The following EFCAB11 variants were observed in gnomAD, a reference collection of about 807,000 sequenced individuals.
EFCAB11 encodes EF-hand calcium-binding domain-containing protein 11.
A neutral mutation model predicts 23.0 loss-of-function variants in EFCAB11; 14 were observed. The ratio of observed to expected loss-of-function variants is 0.61; its 90% CI spans 0.40 to 0.95. EFCAB11 has a LOEUF of 0.95. Ranked by LOEUF, EFCAB11 falls within the 40% of genes least tolerant of loss-of-function variation. The probability of loss-of-function intolerance (pLI) is 0.00; values close to 1 mark genes in which losing one functional copy is unlikely to be tolerated. For missense variants in EFCAB11, 198 were observed against 195.8 expected (o/e 1.01, Z -0.07); for synonymous variants, 65 against 66.6 (o/e 0.98, Z 0.11).
intron 5 of EFCAB11, among the ~76,000 whole-genome samples, chr14:89,929,030 CAT>C (rs34339124): frequency 2.1e-4 from 25 of 121,214 alleles, no homozygotes; most frequent in South Asian, 3.2e-4. Flanking sequence ...TAAATACATA[CAT>C]ATATATATAT....
rs1177814382 is a variant in EFCAB11 at position 89,794,686 on chromosome 14, A to G, written c.*2557T>C. On this transcript the variant is annotated 3_prime_UTR_variant, in exon 6 of 6. Transcript: ENST00000316738. The stretch of plus-strand genomic sequence containing the variant: ...TGATCCGCTTTGTATTTGAAATAAG[A>G]TTTTATTTTTACTTGATTTTCAATG... The G allele has an allele frequency of 6.6e-6, 1 of 152,188 alleles. No individual in the cohort carries two copies. The highest frequency in any genetic ancestry group is 1.5e-5 in the Non-Finnish European group (1 of 68,038). 9.4% of individuals were successfully genotyped at this position (152,188 alleles called of 1,614,324 possible).
At chr14:89,903,651 T>C (rs1269962438) in intron 5 of EFCAB11, among the ~76,000 whole-genome samples, 1 of 152,178 alleles carries the variant, frequency 6.6e-6, no homozygotes, top group Non-Finnish European at 1.5e-5. Flanking sequence ...GAGAAAATAT[T>C]AGCACTTTAA....
In EFCAB11 at chr14:89,892,220, G is replaced by A. The variant is rs539069126; in HGVS notation, c.410+39321C>T. On this transcript the variant is annotated intron_variant, in intron 5 of 5. Coordinates refer to ENST00000316738, the MANE Select transcript of EFCAB11 (RefSeq NM_145231.4). Reference sequence around the variant, plus strand: ...CCGCTGTGTCTCAGCCCAGGAGGCCGAGGAGCTAGCTGCCTCCCTGGGCAT... The same window carrying A: ...CCGCTGTGTCTCAGCCCAGGAGGCCAAGGAGCTAGCTGCCTCCCTGGGCAT... 2.0e-5 allele frequency: 32 copies of A among 1,605,870 alleles called. No homozygotes were observed. The South Asian group carries it at 2.6e-4, about 13-fold the overall frequency.
chr14:89,911,181 A>G (rs1284159318), intron 5 of EFCAB11, among the ~76,000 whole-genome samples: 3 of 152,256 alleles, frequency 2.0e-5, no homozygotes, highest in Non-Finnish European at 4.4e-5. Context: ...GGGAAAAAAG[A>G]ACTTCGCAAA....
chr14:89,801,194 T>C (rs1475361216), intron 5 of EFCAB11, among the ~76,000 whole-genome samples: 1 of 152,118 alleles, frequency 6.6e-6, no homozygotes, highest in African/African-American at 2.4e-5. Flanking sequence ...TCCCCAATGA[T>C]GCGATGATCA....
chr14:89,846,032 G>A (rs1312837518), intron 5 of EFCAB11, among the ~76,000 whole-genome samples: 1 of 152,166 alleles, frequency 6.6e-6, no homozygotes, highest in Non-Finnish European at 1.5e-5. Context: ...CCTTGGGCAA[G>A]GGACTTAACC....
intron 5 of EFCAB11, among the ~76,000 whole-genome samples, chr14:89,839,994 T>C (rs1887206545): frequency 6.6e-6 from 1 of 152,194 alleles, no homozygotes. Context: ...ACCCAAACCC[T>C]ATCACAGCTC....
In EFCAB11 at chr14:89,941,209, T is replaced by C. The variant is rs2139828547; in HGVS notation, c.218-8582A>G. 3.3e-5 allele frequency among the ~76,000 whole-genome samples: 5 copies of C among 152,346 alleles called. No homozygotes were observed. In the East Asian group the frequency reaches 7.7e-4, roughly 23 times the overall value. ...TTGTTGCATGGACCCTGACTGCAGC[T>C]GTGCTTGCTCGTGTTTTCCTATTTG... On this transcript the variant is annotated intron_variant, in intron 3 of 5. Transcript: ENST00000316738.
At position 89,849,078 on chromosome 14, in the gene EFCAB11, C is replaced by T. The variant is rs978959252; in HGVS notation, c.411-51754G>A. On this transcript the variant is annotated intron_variant, in intron 5 of 5. Transcript: ENST00000316738. The stretch of plus-strand genomic sequence containing the variant: ...TTTGGCCAATTAGTCCCCTGGATAT[C>T]CAACTGTAGGCTATTAGTTCCAATG... 2.2e-4 allele frequency among the ~76,000 whole-genome samples: 34 copies of T among 152,210 alleles called. 1 individual carries two copies. Among genetic ancestry groups the T allele is most frequent in the Non-Finnish European group, 7.3e-5 (5 of 68,042 alleles).
At chr14:89,866,264 C>T (rs1596410458) in intron 5 of EFCAB11, among the ~76,000 whole-genome samples, 1 of 152,326 alleles carries the variant, frequency 6.6e-6, no homozygotes, top group African/African-American at 2.4e-5. Context: ...ATGGCAAGAG[C>T]CCCTTCTGTT....
chr14:89,919,780 G>A lies in EFCAB11; in HGVS notation c.410+11761C>T, dbSNP rs779515738. Reference sequence around the variant, plus strand: ...CAAGGGCTGGGGTAGGCAGAGGCAAGAGCGAGTGCAGGAACTACGAGGCTT... The same window carrying A: ...CAAGGGCTGGGGTAGGCAGAGGCAAAAGCGAGTGCAGGAACTACGAGGCTT... On this transcript the variant is annotated intron_variant, in intron 5 of 5. Transcript: ENST00000316738. 5.3e-5 allele frequency among the ~76,000 whole-genome samples: 8 copies of A among 152,312 alleles called. No homozygotes were observed. In the East Asian group the frequency reaches 9.7e-4, roughly 18 times the overall value.
chr14:89,927,053 C>A (rs1890216384), intron 5 of EFCAB11, among the ~76,000 whole-genome samples: 1 of 151,936 alleles, frequency 6.6e-6, no homozygotes, highest in South Asian at 2.1e-4. Flanking sequence ...GGCAACAATT[C>A]ACAAACCTTA....
intron 5 of EFCAB11, chr14:89,924,624 T>A (rs12101251): frequency 0.14 from 221,987 of 1,535,066 alleles, 19,983 homozygotes; most frequent in Admixed American, 0.32. Context: ...AAGAAAGAAC[T>A]TTAAGTCAGC....
At chr14:89,864,797 G>A (rs1036536818) in intron 5 of EFCAB11, among the ~76,000 whole-genome samples, 17 of 152,224 alleles carry the variant, frequency 1.1e-4, no homozygotes, top group East Asian at 3.9e-4. Flanking sequence ...ATCCCTATGC[G>A]TCAGTGTTGT....
intron 5 of EFCAB11, among the ~76,000 whole-genome samples, chr14:89,889,623 A>G (rs1888899628): frequency 6.6e-6 from 1 of 152,248 alleles, no homozygotes; most frequent in Non-Finnish European, 1.5e-5. Flanking sequence ...AGAGTTGATC[A>G]CTGTGCTTAA....
intron 5 of EFCAB11, among the ~76,000 whole-genome samples, chr14:89,837,940 A>T (rs1296488127): frequency 6.6e-6 from 1 of 152,186 alleles, no homozygotes; most frequent in African/African-American, 2.4e-5. Context: ...AGACACCTAT[A>T]TATAACTAGC....
At chr14:89,819,611 C>A (rs1399996832) in intron 5 of EFCAB11, among the ~76,000 whole-genome samples, 1 of 151,884 alleles carries the variant, frequency 6.6e-6, no homozygotes, top group Admixed American at 6.6e-5. Flanking sequence ...AAAAAAAACC[C>A]ATTTCTTTAG....
chr14:89,943,981 CT>C (rs1318850596), intron 3 of EFCAB11, among the ~76,000 whole-genome samples: 1 of 152,104 alleles, frequency 6.6e-6, no homozygotes, highest in Non-Finnish European at 1.5e-5. Context: ...AAGTCAAATC[CT>C]TAATTCAAAA....
At chr14:89,888,972 G>A (rs945199556) in intron 5 of EFCAB11, among the ~76,000 whole-genome samples, 2 of 152,142 alleles carry the variant, frequency 1.3e-5, no homozygotes, top group African/African-American at 4.8e-5. Context: ...GGGAAATACA[G>A]AAAGAACCAT....
Sources: gnomAD v4.1 joint callset for allele counts (sites outside exome capture counted in the v4.1 genomes callset) on GRCh38, gnomAD v4.1.1 for gene constraint, MANE v1.5 for transcripts, NCBI Gene and HGNC (gene_info 2026-07-23, HGNC 2026-07-21) for gene names.